IGF2R: variants seen among roughly 807,000 people sequenced by gnomAD.
IGF2R encodes the protein cation-independent mannose-6-phosphate receptor.
A neutral mutation model predicts 270.6 loss-of-function variants in IGF2R; 91 were observed. The ratio of observed to expected loss-of-function variants is 0.34; its 90% confidence interval spans 0.28 to 0.40. IGF2R has a LOEUF of 0.40. Among genes scored for constraint, IGF2R ranks in the 10% least tolerant of loss-of-function variants. The pLI is 1.00. For synonymous variants in IGF2R, 1,316 were observed against 1,258.9 expected (o/e 1.05, Z -0.96); for missense variants, 2,805 against 3,188.3 (o/e 0.88, Z 2.90).
chr6:160,069,304 A>G (rs1778663209), intron 30 of IGF2R, among the ~76,000 whole-genome samples: 1 of 152,062 alleles, frequency 6.6e-6, no homozygotes, highest in South Asian at 2.1e-4. Context: ...CTCACCTCAA[A>G]GGCGGTGTGG....
intron 29 of IGF2R, 69 bp downstream of exon 29, chr6:160,064,970 G>A (rs144061264): frequency 4.0e-6 from 4 of 1,009,858 alleles, no homozygotes; most frequent in Non-Finnish European, 6.3e-6. Context: ...AATAATTAGT[G>A]GTCTTGGGTG....
intron 27 of IGF2R, 54 bp downstream of exon 27, chr6:160,063,684 A>T: frequency 3.7e-6 from 5 of 1,358,468 alleles, no homozygotes; most frequent in Non-Finnish European, 5.2e-6. Flanking sequence ...TTAAAATATT[A>T]AAATATTTTG....
intron 1 of IGF2R, among the ~76,000 whole-genome samples, chr6:159,977,519 C>G (rs973825298): frequency 2.0e-4 from 31 of 152,216 alleles, no homozygotes; most frequent in African/African-American, 6.8e-4. Flanking sequence ...AGCTGCTAAA[C>G]CCCTGTTGAT....
chr6:160,015,273 A>G (rs1225827822), intron 4 of IGF2R, among the ~76,000 whole-genome samples: 4 of 152,246 alleles, frequency 2.6e-5, no homozygotes, highest in African/African-American at 4.8e-5. Flanking sequence ...CTTTGAAATG[A>G]TTTCAGAGAA....
intron 1 of IGF2R, among the ~76,000 whole-genome samples, chr6:159,988,167 C>T (rs1016404833): frequency 4.6e-5 from 7 of 152,164 alleles, no homozygotes; most frequent in Admixed American, 6.5e-5. Context: ...CAAGCAAACA[C>T]ACTCTTTACC....
At chr6:160,073,105 A>G (rs1778780038) in intron 33 of IGF2R, 108 bp from the exon 34 acceptor site, 5 of 1,453,078 alleles carry the variant, frequency 3.4e-6, no homozygotes, top group African/African-American at 1.4e-5. Context: ...ACTTGAAGTT[A>G]TAAGTGTTGG....
chr6:160,091,716 G>A (rs3777401), intron 44 of IGF2R, among the ~76,000 whole-genome samples: 6,069 of 152,308 alleles, frequency 0.04, 214 homozygotes, highest in East Asian at 0.097. Flanking sequence ...GCATGTCACA[G>A]GTTGTGCCTT....
chr6:159,976,761 A>C (rs576858187), intron 1 of IGF2R, among the ~76,000 whole-genome samples: 74 of 151,996 alleles, frequency 4.9e-4, no homozygotes, highest in Non-Finnish European at 8.7e-4. Context: ...TTTCAGGTCC[A>C]TGGACTTTGG....
At chr6:159,991,540 G>C (rs965473699) in intron 2 of IGF2R, among the ~76,000 whole-genome samples, 1 of 152,160 alleles carries the variant, frequency 6.6e-6, no homozygotes, top group Admixed American at 6.5e-5. Context: ...CTGTCTAGTG[G>C]ATACTATACA....
At chr6:160,098,556 C>T (rs1435409512) in intron 45 of IGF2R, among the ~76,000 whole-genome samples, 8 of 152,102 alleles carry the variant, frequency 5.3e-5, no homozygotes, top group South Asian at 4.1e-4. Context: ...CGGTGGCTCA[C>T]GCTTGTAATC....
intron 4 of IGF2R, among the ~76,000 whole-genome samples, chr6:160,014,897 G>A (rs3798188): frequency 0.2 from 30,322 of 152,164 alleles, 3,465 homozygotes; most frequent in East Asian, 0.52. Context: ...TACCCTCTGA[G>A]CACTAGAGGT....
rs1034838895 is a variant in IGF2R at position 160,106,625 on chromosome 6, T to A, written c.*1541T>A. The A allele has an allele frequency of 1.3e-5, 2 of 152,220 alleles. No individual in the cohort carries two copies. The highest frequency in any genetic ancestry group is 2.9e-5 in the Non-Finnish European group (2 of 68,030). 9.4% of individuals were successfully genotyped at this position (152,220 alleles called of 1,614,324 possible). A position where few individuals can be genotyped will look rare whatever the true frequency, so the allele number is the denominator to read the frequency against. ...TACCCATCTGCCTGCCTGTCTTTTC[T>A]TTCTGTTAAGTGACTGAATTTGGGT... On this transcript the variant is annotated 3_prime_UTR_variant, in exon 48 of 48. Transcript: ENST00000356956.
Position 160,012,777 on chromosome 6 carries a change from TTG to T in IGF2R, c.513+1994_513+1995del, listed in dbSNP as rs1354392390. Reference sequence around the variant, plus strand: ...TATATATATATATTTTTTTTTTTTTTTGTTTGTTTGTTTGTTTATTTGTTTGT... The same window carrying T: ...TATATATATATATTTTTTTTTTTTTTTTTGTTTGTTTGTTTATTTGTTTGT... On this transcript the variant is annotated intron_variant, in intron 4 of 47. Transcript: ENST00000356956. Among the ~76,000 whole-genome samples the T allele has an allele frequency of 1.1e-3, 135 of 118,516 alleles. 2 individuals carry two copies. Among genetic ancestry groups the T allele is most frequent in the African/African-American group, 4.1e-3 (126 of 31,060 alleles). 77.8% of individuals were successfully genotyped at this position (118,516 alleles called of 152,430 possible).
At chr6:159,997,261 G>A (rs1475963647) in intron 2 of IGF2R, among the ~76,000 whole-genome samples, 1 of 146,230 alleles carries the variant, frequency 6.8e-6, no homozygotes, top group African/African-American at 2.6e-5. Context: ...TAGATCTCTG[G>A]GAACCCTGCA....
intron 1 of IGF2R, among the ~76,000 whole-genome samples, chr6:159,977,766 A>G (rs2014620): frequency 0.23 from 35,429 of 152,010 alleles, 4,577 homozygotes; most frequent in East Asian, 0.49. Flanking sequence ...GAACCTCTGA[A>G]GTCTTCCTTT....
rs368218806 is a variant in IGF2R, at chr6:159,999,331, T to A, written c.289+8008T>A. Among the ~76,000 whole-genome samples the A allele has an allele frequency of 4.1e-4, 63 of 152,368 alleles. 1 individual carries two copies. The highest frequency in any genetic ancestry group is 1.8e-3 in the Admixed American group (27 of 15,306). On this transcript the variant is annotated intron_variant, in intron 2 of 47. Coordinates refer to ENST00000356956, the MANE Select transcript of IGF2R (RefSeq NM_000876.4). ...TTGGAGGCCTTCCTGGAACTGGGGT[T>A]AATCGGAAGTCAGCAGGGCTGTTTG...
intron 4 of IGF2R, among the ~76,000 whole-genome samples, chr6:160,016,830 A>G (rs1371251320): frequency 1.3e-5 from 2 of 152,252 alleles, no homozygotes; most frequent in Non-Finnish European, 2.9e-5. Flanking sequence ...AAAACTATGC[A>G]ACATACATTA....
At position 160,043,943 on chromosome 6, in the gene IGF2R, G is replaced by A. The variant is rs9355773; in HGVS notation, c.1622-571G>A. Among the ~76,000 whole-genome samples the A allele has an allele frequency of 2.6e-5, 4 of 152,294 alleles. No individual in the cohort carries two copies. In the East Asian group the frequency reaches 7.7e-4, roughly 29 times the overall value. Reference sequence around the variant, plus strand: ...AATTGCTGGTGTGTCTTTAAAAGCAGGTTCAGGCATGTCCATGTCTTTACT... The same window carrying A: ...AATTGCTGGTGTGTCTTTAAAAGCAAGTTCAGGCATGTCCATGTCTTTACT... On this transcript the variant is annotated intron_variant, in intron 12 of 47. Transcript: ENST00000356956.
intron 4 of IGF2R, among the ~76,000 whole-genome samples, chr6:160,022,718 T>C (rs1004724172): frequency 3.3e-5 from 5 of 152,164 alleles, no homozygotes; most frequent in African/African-American, 1.2e-4. Flanking sequence ...TGGCAGTACC[T>C]AGTATCATAC....
Sources: allele counts gnomAD v4.1 joint callset (sites outside exome capture counted in the v4.1 genomes callset), GRCh38; gene constraint gnomAD v4.1.1; transcripts MANE v1.5; gene names NCBI Gene and HGNC (gene_info 2026-07-23, HGNC 2026-07-21).